Variants in VWF observed in about 807,000 individuals in gnomAD.
VWF encodes von Willebrand factor.
Under a neutral mutation model 308.6 loss-of-function variants are expected in VWF, and 176 were observed. That is an observed-to-expected ratio of 0.57 (90% CI 0.50 to 0.65). The LOEUF (loss-of-function observed/expected upper bound fraction) is 0.65, where lower values mean the gene tolerates loss of function less well. Ranked by LOEUF, VWF falls within the 30% of genes least tolerant of loss-of-function variation. The pLI, the probability that VWF is intolerant of heterozygous loss-of-function variation, is 0.00. For synonymous variants in VWF, 1,385 were observed against 1,443.4 expected (o/e 0.96, Z 0.92); for missense variants, 3,146 against 3,648.2 (o/e 0.86, Z 3.55).
chr12:6,053,724 C>G (rs546021772), intron 15 of VWF, among the ~76,000 whole-genome samples: 4 of 152,342 alleles, frequency 2.6e-5, no homozygotes, highest in African/African-American at 9.6e-5. Context: ...TAACAGTATC[C>G]ACCCAGTCTT....
intron 13 of VWF, among the ~76,000 whole-genome samples, chr12:6,061,103 A>T (rs1299340851): frequency 6.6e-6 from 1 of 152,200 alleles, no homozygotes; most frequent in Non-Finnish European, 1.5e-5. Context: ...CGGGAGGTTG[A>T]GGCAGGAGAA....
chr12:6,088,839 T>C (rs995883076), intron 6 of VWF, among the ~76,000 whole-genome samples: 2 of 152,210 alleles, frequency 1.3e-5, no homozygotes, highest in Admixed American at 6.5e-5. Context: ...TTGCATGCAA[T>C]CAAACAAGGC....
chr12:6,109,173 A>G (rs908250177), intron 5 of VWF, among the ~76,000 whole-genome samples: 1 of 152,032 alleles, frequency 6.6e-6, no homozygotes, highest in Non-Finnish European at 1.5e-5. Context: ...TGAGCCCAAG[A>G]GTTCAAGATC....
intron 10 of VWF, among the ~76,000 whole-genome samples, chr12:6,067,146 C>G (rs1284764584): frequency 6.6e-6 from 1 of 152,204 alleles, no homozygotes; most frequent in Non-Finnish European, 1.5e-5. Context: ...AGATAGGGGC[C>G]AGGATCGTCC....
At position 5,994,696 on chromosome 12, in the gene VWF, A is replaced by G. The variant is rs1222320063; in HGVS notation, c.6064-89T>C. 5 of 1,180,526 alleles carry G rather than the reference A, an allele frequency of 4.2e-6. No individual in the cohort carries two copies. The East Asian group carries it at 7.0e-5, about 17-fold the overall frequency. 73.1% of individuals were successfully genotyped at this position (1,180,526 alleles called of 1,614,324 possible). A position where few individuals can be genotyped will look rare whatever the true frequency, so the allele number is the denominator to read the frequency against. On this transcript the variant is annotated intron_variant, in intron 35 of 51. Transcript: ENST00000261405. ...AGTTACCGAGAGTTCCTGCACATTC[A>G]TCACACTCAACTGCAACATCAGCCA...
At chr12:5,996,659 C>T (rs1163605131) in intron 34 of VWF, among the ~76,000 whole-genome samples, 5 of 150,404 alleles carry the variant, frequency 3.3e-5, no homozygotes. Context: ...GACACGTGTC[C>T]TTTCAGCTGC....
intron 11 of VWF, 112 bp downstream of exon 11, chr12:6,065,025 C>T (rs2136462751): frequency 1.3e-6 from 2 of 1,499,358 alleles, no homozygotes; most frequent in African/African-American, 1.4e-5. Context: ...AGAGACCTCC[C>T]TCATGCACAG....
At chr12:6,068,752 G>A (rs1301395641) in intron 10 of VWF, among the ~76,000 whole-genome samples, 2 of 151,372 alleles carry the variant, frequency 1.3e-5, no homozygotes, top group Admixed American at 6.6e-5. Context: ...GCCTCCCAAA[G>A]TGCTGGGATT....
chr12:5,969,002 A>C (rs1210108192), intron 45 of VWF, among the ~76,000 whole-genome samples: 1 of 152,214 alleles, frequency 6.6e-6, no homozygotes, highest in Non-Finnish European at 1.5e-5. Context: ...GCCGAATCCC[A>C]GTCTTGCCAT....
intron 34 of VWF, among the ~76,000 whole-genome samples, chr12:5,998,385 C>T (rs1419776245): frequency 6.9e-6 from 1 of 145,580 alleles, no homozygotes; most frequent in East Asian, 2.1e-4. Flanking sequence ...GTAGTCCCAG[C>T]TACTCGGGAG....
intron 31 of VWF, among the ~76,000 whole-genome samples, chr12:6,014,994 A>G (rs1944040515): frequency 6.6e-6 from 1 of 152,218 alleles, no homozygotes. Context: ...AAATTCCTCA[A>G]TTCAGCTCTC....
At chr12:6,053,530 C>T (rs1944542877) in intron 15 of VWF, among the ~76,000 whole-genome samples, 1 of 152,208 alleles carries the variant, frequency 6.6e-6, no homozygotes, top group African/African-American at 2.4e-5. Context: ...CCCATCTGCC[C>T]ACAGCCCTCA....
intron 43 of VWF, among the ~76,000 whole-genome samples, 185 bp from the exon 44 acceptor site, chr12:5,971,894 C>G (rs372288552): frequency 6.6e-6 from 1 of 152,230 alleles, no homozygotes; most frequent in Non-Finnish European, 1.5e-5. Flanking sequence ...GGTCACTAAA[C>G]GAAGTCTTAC....
At chr12:5,992,055 C>T in intron 37 of VWF, 37 bp from the exon 38 acceptor site, 1 of 1,596,976 alleles carries the variant, frequency 6.3e-7, no homozygotes, top group Non-Finnish European at 8.6e-7. Flanking sequence ...CAAAGGCCCA[C>T]ACCAGCCAGA....
intron 45 of VWF, 54 bp downstream of exon 45, chr12:5,969,157 G>A (rs1387691464): frequency 4.5e-6 from 7 of 1,565,566 alleles, no homozygotes; most frequent in Admixed American, 3.8e-5. Flanking sequence ...AAAGTGGAAA[G>A]AGAGGCTTAA....
chr12:6,081,793 C>T (rs1286961035), intron 6 of VWF, among the ~76,000 whole-genome samples: 6 of 152,016 alleles, frequency 3.9e-5, no homozygotes, highest in Non-Finnish European at 8.8e-5. Flanking sequence ...TGCAGTTTTC[C>T]GAGGCTATGA....
At position 6,073,735 on chromosome 12, in the gene VWF, A is replaced by G. The variant is rs1275509110; in HGVS notation, c.881T>C (p.Val294Ala). ...GWTDHSACSPVCPAGMEYRQC... is the reference protein window; with the variant it reads ...GWTDHSACSPACPAGMEYRQC... ...CCTATACTCCATACCAGCAGGGCAC[A>G]CTGGGCCTGAAAAGGAACATCAAAG... Residue 294 changes from valine (V) to alanine (A), a missense_variant, in exon 8 of 52, where the codon GTG (valine) becomes GCG (alanine). Physicochemically the swap from Val to Ala is moderately conservative, Grantham distance 64. Around this residue, in one of 3 missense-constraint regions of VWF, gnomAD observed 1,304 missense variants for 1,353.0 expected, o/e 0.96. Transcript: ENST00000261405. The G allele has an allele frequency of 5.6e-6, 9 of 1,613,958 alleles. No homozygotes were observed. In the South Asian group the frequency reaches 6.6e-5, roughly 12 times the overall value.
At chr12:6,068,803 TTTTC>T (rs1371914618) in intron 10 of VWF, among the ~76,000 whole-genome samples, 3 of 150,544 alleles carry the variant, frequency 2.0e-5, no homozygotes, top group African/African-American at 4.9e-5. Flanking sequence ...ATGCATTTTT[TTTTC>T]TTTTTCTTCC....
At chr12:5,964,241 T>G (rs1020826803) in intron 47 of VWF, among the ~76,000 whole-genome samples, 1 of 145,666 alleles carries the variant, frequency 6.9e-6, no homozygotes, top group African/African-American at 2.8e-5. Context: ...CATACATACA[T>G]ACATACATGC....
Sources: allele counts gnomAD v4.1 joint callset (sites outside exome capture counted in the v4.1 genomes callset), GRCh38; gene constraint gnomAD v4.1.1; regional missense constraint gnomAD v4.1.1; transcripts MANE v1.5; gene names NCBI Gene and HGNC (gene_info 2026-07-23, HGNC 2026-07-21).